Variants in STXBP5L observed in about 807,000 individuals in gnomAD.
STXBP5L encodes the protein syntaxin binding protein 5L, also known as syntaxin-binding protein 5-like.
Under a neutral mutation model 144.5 loss-of-function variants are expected in STXBP5L, and 65 were observed. The observed-to-expected ratio is 0.45, with a 90% CI of 0.37 to 0.55. The LOEUF (loss-of-function observed/expected upper bound fraction) is 0.55. Ranked by LOEUF, STXBP5L falls within the 20% of genes least tolerant of loss-of-function variation. The probability of loss-of-function intolerance (pLI) is 0.00; values close to 1 mark genes in which losing one functional copy is unlikely to be tolerated. For synonymous variants in STXBP5L, 505 were observed against 469.6 expected (o/e 1.08, Z -0.97); for missense variants, 1,298 against 1,405.5 (o/e 0.92, Z 1.22).
chr3:121,007,206 T>G (rs1160733038), intron 3 of STXBP5L, among the ~76,000 whole-genome samples: 2 of 152,140 alleles, frequency 1.3e-5, no homozygotes, highest in South Asian at 4.1e-4. Context: ...TGAATAGATA[T>G]TGAAGTTACT....
At chr3:121,372,352 G>A (rs576861482) in intron 20 of STXBP5L, among the ~76,000 whole-genome samples, 57 of 152,252 alleles carry the variant, frequency 3.7e-4, no homozygotes, top group Middle Eastern at 3.4e-3. Context: ...AGCAAGTTGA[G>A]CCTAGGGTGA....
chr3:121,025,950 TATC>T (rs1304532010), intron 3 of STXBP5L, among the ~76,000 whole-genome samples: 1 of 142,406 alleles, frequency 7.0e-6, no homozygotes, highest in Non-Finnish European at 1.5e-5. Flanking sequence ...TATATCAATA[TATC>T]ATAATGTATA....
intron 18 of STXBP5L, 135 bp from the exon 19 acceptor site, chr3:121,279,670 T>G: frequency 1.0e-6 from 1 of 959,392 alleles, no homozygotes; most frequent in South Asian, 1.5e-5. Context: ...GGCATCCTTC[T>G]TGACTTTACA....
chr3:121,315,168 A>G (rs899954706), intron 19 of STXBP5L, among the ~76,000 whole-genome samples: 13 of 152,168 alleles, frequency 8.5e-5, no homozygotes, highest in African/African-American at 3.1e-4. Context: ...TCATGCTGCT[A>G]TAAAGACACA....
At chr3:121,068,785 CTA>C (rs1459972155) in intron 5 of STXBP5L, among the ~76,000 whole-genome samples, 1 of 152,044 alleles carries the variant, frequency 6.6e-6, no homozygotes, top group Admixed American at 6.6e-5. Context: ...TCATTCCTTA[CTA>C]TGTCTACTTG....
chr3:121,361,343 G>T (rs564429670), intron 20 of STXBP5L, among the ~76,000 whole-genome samples: 35 of 151,948 alleles, frequency 2.3e-4, no homozygotes, highest in African/African-American at 8.2e-4. Flanking sequence ...TCTAGGTTTG[G>T]GAAGCTCTCT....
At chr3:121,217,744 A>G (rs927172680) in intron 10 of STXBP5L, among the ~76,000 whole-genome samples, 1 of 152,004 alleles carries the variant, frequency 6.6e-6, no homozygotes, top group African/African-American at 2.4e-5. Flanking sequence ...ATCTACTAGT[A>G]TCCAATCTTT....
chr3:120,973,180 C>T (rs9836727), intron 3 of STXBP5L, among the ~76,000 whole-genome samples: 1 of 151,934 alleles, frequency 6.6e-6, no homozygotes, highest in Non-Finnish European at 1.5e-5. Context: ...TATAATTCAG[C>T]TGTGAATTTG....
rs531705564 is a variant in STXBP5L, at chr3:121,219,349, A to AAACAGGAACCTT, written c.957-3652_957-3641dup. ...TTATAAGTCAGGATGGCTGTCACAG[A>AAACAGGAACCTT]AACAGGAACCTTAGGAAGAGCTCTA... On this transcript the variant is annotated intron_variant, in intron 10 of 26. Coordinates refer to ENST00000471454, the MANE Select transcript of STXBP5L (RefSeq NM_001308330.2). Among the ~76,000 whole-genome samples the AAACAGGAACCTT allele has an allele frequency of 4.8e-3, 724 of 152,266 alleles. 7 individuals carry two copies. The highest frequency in any genetic ancestry group is 0.016 in the African/African-American group (667 of 41,566).
At chr3:121,105,311 G>A (rs570748327) in intron 5 of STXBP5L, among the ~76,000 whole-genome samples, 52 of 152,030 alleles carry the variant, frequency 3.4e-4, no homozygotes, top group Non-Finnish European at 5.6e-4. Context: ...CAGGAGAATC[G>A]CTTGAACCTG....
At chr3:121,007,650 G>C (rs1213956122) in intron 3 of STXBP5L, among the ~76,000 whole-genome samples, 1 of 151,864 alleles carries the variant, frequency 6.6e-6, no homozygotes, top group Admixed American at 6.6e-5. Context: ...GATGAGGGTG[G>C]GATATTATTC....
At position 121,144,281 on chromosome 3, in the gene STXBP5L, C is replaced by T. The variant is rs139430930; in HGVS notation, c.670-8196C>T. ...TGTAGAGTTTTGGTATACTATTGAACTTAAGGTGTTATCAGCTTAAAACAG... is the reference window on the plus strand; with the variant it reads ...TGTAGAGTTTTGGTATACTATTGAATTTAAGGTGTTATCAGCTTAAAACAG... On this transcript the variant is annotated intron_variant, in intron 7 of 26. Transcript: ENST00000471454. Among the ~76,000 whole-genome samples, 258 of 151,666 alleles carry T rather than the reference C, an allele frequency of 1.7e-3. 1 individual carries two copies. Among genetic ancestry groups the T allele is most frequent in the African/African-American group, 5.9e-3 (245 of 41,442 alleles).
chr3:121,190,401 G>A (rs2047594279), intron 9 of STXBP5L, among the ~76,000 whole-genome samples: 1 of 152,190 alleles, frequency 6.6e-6, no homozygotes, highest in African/African-American at 2.4e-5. Flanking sequence ...GCATCCCAAG[G>A]CAGAAGAATT....
intron 21 of STXBP5L, among the ~76,000 whole-genome samples, chr3:121,379,504 GA>G (rs1243645378): frequency 3.3e-5 from 5 of 151,898 alleles, no homozygotes; most frequent in Admixed American, 6.6e-5. Context: ...AAAGAGATAG[GA>G]AAAAAATAAT....
chr3:121,317,326 C>T (rs1239110347), intron 19 of STXBP5L, among the ~76,000 whole-genome samples: 1 of 152,140 alleles, frequency 6.6e-6, no homozygotes, highest in South Asian at 2.1e-4. Context: ...CCTTTTCAAG[C>T]TATGTTATTG....
At chr3:121,292,812 T>C (rs1158378122) in intron 19 of STXBP5L, among the ~76,000 whole-genome samples, 7 of 152,168 alleles carry the variant, frequency 4.6e-5, no homozygotes, top group African/African-American at 1.7e-4. Context: ...AAGTTCTCAC[T>C]TATAAGTGGG....
intron 20 of STXBP5L, among the ~76,000 whole-genome samples, chr3:121,343,545 C>T (rs1462043092): frequency 6.6e-6 from 1 of 152,108 alleles, no homozygotes; most frequent in Non-Finnish European, 1.5e-5. Context: ...GCAACTTCAG[C>T]AAAGTCTCAG....
intron 2 of STXBP5L, among the ~76,000 whole-genome samples, chr3:120,916,716 T>C (rs2107568480): frequency 6.6e-6 from 1 of 152,330 alleles, no homozygotes; most frequent in South Asian, 2.1e-4. Context: ...TGGTTTTAGA[T>C]GCAGATTTAA....
chr3:121,313,002 G>A (rs956489238), intron 19 of STXBP5L, among the ~76,000 whole-genome samples: 35 of 152,048 alleles, frequency 2.3e-4, no homozygotes, highest in Admixed American at 1.4e-3. Context: ...GGTCATGGCC[G>A]GGCAGAGGGG....
Sources: allele counts gnomAD v4.1 joint callset (sites outside exome capture counted in the v4.1 genomes callset), GRCh38; gene constraint gnomAD v4.1.1; transcripts MANE v1.5; gene names NCBI Gene and HGNC (gene_info 2026-07-23, HGNC 2026-07-21).